Variants in LIAS observed in about 807,000 individuals in gnomAD.
LIAS encodes lipoic acid synthetase.
Under a neutral mutation model 49.4 loss-of-function variants are expected in LIAS, and 36 were observed. The ratio of observed to expected loss-of-function variants is 0.73; its 90% CI spans 0.56 to 0.96. The LOEUF (loss-of-function observed/expected upper bound fraction) is 0.96. Ranked by LOEUF, LIAS falls within the 40% of genes least tolerant of loss-of-function variation. The pLI is 0.00. For synonymous variants in LIAS, 145 were observed against 155.8 expected, an observed-to-expected ratio of 0.93 and a Z score of 0.52; for missense variants, 399 against 456.3, an observed-to-expected ratio of 0.87 and a Z score of 1.14.
intron 10 of LIAS, chr4:39,475,562 G>C (rs1426307537): frequency 6.6e-6 from 1 of 151,954 alleles, no homozygotes; most frequent in Admixed American, 6.6e-5. Flanking sequence ...TATGTTCCTA[G>C]TTCCTATAAA....
At chr4:39,475,751 C>G (rs1020673822) in intron 10 of LIAS, 2 of 152,232 alleles carry the variant, frequency 1.3e-5, no homozygotes, top group African/African-American at 4.8e-5. Context: ...GTGGTGGGCA[C>G]CTCTAGTTCT....
In LIAS at chr4:39,464,678, G is replaced by T. The variant is rs547191964; in HGVS notation, c.394-368G>T. On this transcript the variant is annotated intron_variant, in intron 4 of 10. Transcript: ENST00000640888. ...ACACTAGCTAATTTTTAGAGACAGGGTCTCACCGTGTTGCCCATGCTGGTC... is the reference window on the plus strand; with the variant it reads ...ACACTAGCTAATTTTTAGAGACAGGTTCTCACCGTGTTGCCCATGCTGGTC... Among the ~76,000 whole-genome samples the T allele has an allele frequency of 2.0e-5, 3 of 152,132 alleles. No individual in the cohort carries two copies. In the South Asian group the frequency reaches 6.2e-4, roughly 32 times the overall value.
At chr4:39,463,500 G>A in intron 3 of LIAS, 25 bp from the exon 4 acceptor site, 1 of 1,572,840 alleles carries the variant, frequency 6.4e-7, no homozygotes, top group Non-Finnish European at 8.7e-7. Flanking sequence ...CAACCTAATG[G>A]TGTTCCATTT....
At chr4:39,471,612 C>T (rs1744993695) in intron 9 of LIAS, among the ~76,000 whole-genome samples, 1 of 148,988 alleles carries the variant, frequency 6.7e-6, no homozygotes, top group Non-Finnish European at 1.5e-5. Context: ...CTGCAACCTC[C>T]ACCTCCCAGG....
At chr4:39,472,386 C>T (rs915190585) in intron 9 of LIAS, among the ~76,000 whole-genome samples, 2 of 152,054 alleles carry the variant, frequency 1.3e-5, no homozygotes, top group Non-Finnish European at 2.9e-5. Flanking sequence ...TGTGCAGTTA[C>T]CATGTTGTTC....
At chr4:39,464,718 A>G (rs933891986) in intron 4 of LIAS, among the ~76,000 whole-genome samples, 3 of 152,044 alleles carry the variant, frequency 2.0e-5, no homozygotes, top group African/African-American at 4.8e-5. Context: ...ACTCTTAACA[A>G]TCCTCTCACC....
At chr4:39,476,360 ATCACAGT>A (rs1476841015) in intron 10 of LIAS, 1 of 152,310 alleles carries the variant, frequency 6.6e-6, no homozygotes, top group Non-Finnish European at 1.5e-5. Context: ...AGATAGACTC[ATCACAGT>A]TCTACTCATA....
rs1243940085 is a variant in LIAS, at chr4:39,471,272, G to A, written c.920G>A (p.Gly307Glu). 5 of 1,611,674 alleles carry A rather than the reference G, an allele frequency of 3.1e-6. No homozygotes were observed. The highest frequency in any genetic ancestry group is 4.2e-6 in the Non-Finnish European group (5 of 1,179,130). Residue 307 changes from glycine to glutamate, a missense_variant, in exon 9 of 11, where the codon GGA becomes GAA. This residue lies in a region of LIAS where 234 missense variants were observed against 292.2 expected (regional missense o/e 0.80). Transcript: ENST00000640888. ...GCAGATGTAGACTGCTTGACTTTAG[G>A]ACAATATATGCAGCCAACAAGGCGT... is the stretch of plus-strand genomic sequence containing the variant. Reference protein sequence around the residue: ...READVDCLTLGQYMQPTRRHL... With the variant: ...READVDCLTLEQYMQPTRRHL...
rs925155221 is a variant in LIAS, at chr4:39,477,228, T to TA, written c.*124dup. 8,616 of 599,802 alleles carry TA rather than the reference T, an allele frequency of 0.014. No individual in the cohort carries two copies. Among genetic ancestry groups the TA allele is most frequent in the East Asian group, 0.019 (502 of 26,604 alleles). The allele number at this position is 599,802 out of a possible 1,614,324, so 37.2% of individuals were successfully genotyped here. A position where few individuals can be genotyped will look rare whatever the true frequency, so the allele number is the denominator to read the frequency against. Reference sequence around the variant, plus strand: ...AGTGGATGTGCCCCACCTCTTTGCTTAAAAAAAAAAATGTCAATAGCCAGG... The same window carrying TA: ...AGTGGATGTGCCCCACCTCTTTGCTTAAAAAAAAAAAATGTCAATAGCCAGG... On this transcript the variant is annotated 3_prime_UTR_variant, in exon 11 of 11. Transcript: ENST00000640888.
chr4:39,470,092 G>A lies in LIAS; in HGVS notation c.811G>A (p.Asp271Asn). Residue 271 changes from aspartate (D) to asparagine (N), a missense_variant, in exon 8 of 11, where the codon GAT becomes AAT. Asp to Asn is a conservative substitution (Grantham distance 23, BLOSUM62 1). Around this residue, in one of 3 missense-constraint regions of LIAS, gnomAD observed 234 missense variants for 292.2 expected, o/e 0.80. Coordinates refer to ENST00000640888, the MANE Select transcript of LIAS (RefSeq NM_006859.4). ...VLKHAKKVQP[D>N]VISKTSIMLG... ...GAAACATGCCAAGAAGGTTCAGCCTGATGTTATTTCTAAAACATCTATAAT... is the reference window on the plus strand; with the variant it reads ...GAAACATGCCAAGAAGGTTCAGCCTAATGTTATTTCTAAAACATCTATAAT... 1.2e-6 allele frequency: 2 copies of A among 1,613,870 alleles called. No individual in the cohort carries two copies. Among genetic ancestry groups the A allele is most frequent in the Non-Finnish European group, 8.5e-7 (1 of 1,179,840 alleles).
intron 1 of LIAS, among the ~76,000 whole-genome samples, chr4:39,459,932 C>T (rs1228506679): frequency 6.6e-6 from 1 of 151,416 alleles, no homozygotes. Flanking sequence ...TGCACTCCAA[C>T]CTGGGCGACA....
chr4:39,477,060 T>C lies in LIAS; in HGVS notation c.1067-3T>C. On this transcript the variant is annotated splice_polypyrimidine_tract_variant and splice_region_variant and intron_variant, in intron 10 of 10. Coordinates refer to ENST00000640888, the MANE Select transcript of LIAS (RefSeq NM_006859.4). ...TTAATGTGTTTTCCTTTTTCCTAAATAGGTGAATTTTTCCTGAAAAATCTA... is the reference window on the plus strand; with the variant it reads ...TTAATGTGTTTTCCTTTTTCCTAAACAGGTGAATTTTTCCTGAAAAATCTA... The C allele has an allele frequency of 6.4e-7, 1 of 1,568,554 alleles. No homozygotes were observed. The highest frequency in any genetic ancestry group is 8.7e-7 in the Non-Finnish European group (1 of 1,148,348).
Position 39,479,275 on chromosome 4 carries a change from G to C in LIAS, c.*2160G>C, listed in dbSNP as rs1745314571. 1 of 151,906 alleles carries C rather than the reference G, an allele frequency of 6.6e-6. No individual in the cohort carries two copies. The highest frequency in any genetic ancestry group is 2.1e-4 in the South Asian group (1 of 4,808). The allele number at this position is 151,906 out of a possible 1,614,324, so 9.4% of individuals were successfully genotyped here. Reference sequence around the variant, plus strand: ...TAATGCCTGTAATTCCAACGTTTTGGGAGGCCGAGGCAGGTGGATCACCTG... The same window carrying C: ...TAATGCCTGTAATTCCAACGTTTTGCGAGGCCGAGGCAGGTGGATCACCTG... On this transcript the variant is annotated 3_prime_UTR_variant, in exon 11 of 11. Coordinates refer to ENST00000640888, the MANE Select transcript of LIAS (RefSeq NM_006859.4).
intron 6 of LIAS, chr4:39,466,859 T>C (rs1744778523): frequency 1.3e-5 from 2 of 152,254 alleles, no homozygotes; most frequent in South Asian, 4.1e-4. Flanking sequence ...ATGTGTCAGC[T>C]GTTTCAGTCG....
At position 39,459,172 on chromosome 4, in the gene LIAS, G is replaced by A. The variant is rs747620289; in HGVS notation, c.45+10G>A. 15 of 1,611,694 alleles carry A rather than the reference G, an allele frequency of 9.3e-6. No homozygotes were observed. Among genetic ancestry groups the A allele is most frequent in the Non-Finnish European group, 1.2e-5 (14 of 1,179,758 alleles). On this transcript the variant is annotated intron_variant, in intron 1 of 10. Transcript: ENST00000640888. Reference sequence around the variant, plus strand: ...CACCCTGGGGCCCCGGGTGAGCGGCGGGGCGAACGGGTTTGGGCGTGGGGT... The same window carrying A: ...CACCCTGGGGCCCCGGGTGAGCGGCAGGGCGAACGGGTTTGGGCGTGGGGT...
chr4:39,478,347 TAAA>T lies in LIAS; in HGVS notation c.*1237_*1239del, dbSNP rs1275259877. Reference sequence around the variant, plus strand: ...GGTGAAACTCCATTGCTACTAAAAATAAAAAAATTAGCTAGGTGTGTTGGCAGG... The same window carrying T: ...GGTGAAACTCCATTGCTACTAAAAATAAAATTAGCTAGGTGTGTTGGCAGG... On this transcript the variant is annotated 3_prime_UTR_variant, in exon 11 of 11. Transcript: ENST00000640888. 1 of 152,070 alleles carries T rather than the reference TAAA, an allele frequency of 6.6e-6. No homozygotes were observed. Among genetic ancestry groups the T allele is most frequent in the Admixed American group, 6.5e-5 (1 of 15,292 alleles). The allele number at this position is 152,070 out of a possible 1,614,324, so 9.4% of individuals were successfully genotyped here.
In LIAS at chr4:39,460,867, T is replaced by C. The variant is rs373034096; in HGVS notation, c.123T>C (p.Asn41=). The C allele has an allele frequency of 2.5e-6, 4 of 1,613,140 alleles. No homozygotes were observed. Among genetic ancestry groups the C allele is most frequent in the Non-Finnish European group, 2.5e-6 (3 of 1,179,674 alleles). The stretch of plus-strand genomic sequence containing the variant: ...ATAAAAAAAAGGAACTCCTACAGAA[T>C]GGACCAGACCTTCAAGATTTTGTAT... ...LPDKKKELLQ[N]GPDLQDFVSG... Residue 41 remains asparagine, a synonymous_variant, in exon 2 of 11, where the codon AAT becomes AAC. Coordinates refer to ENST00000640888, the MANE Select transcript of LIAS (RefSeq NM_006859.4).
chr4:39,461,666 G>A (rs574013955), intron 2 of LIAS, among the ~76,000 whole-genome samples: 9 of 152,156 alleles, frequency 5.9e-5, no homozygotes, highest in African/African-American at 1.9e-4. Flanking sequence ...TGAGTATAGC[G>A]CCCTGTTACA....
chr4:39,465,808 G>A (rs1355650601), intron 6 of LIAS, among the ~76,000 whole-genome samples: 2 of 148,034 alleles, frequency 1.4e-5, no homozygotes, highest in African/African-American at 5.0e-5. Context: ...AGAGGCCCAC[G>A]CCACCAAGCT....
Sources: gnomAD v4.1 joint callset for allele counts (sites outside exome capture counted in the v4.1 genomes callset) on GRCh38, gnomAD v4.1.1 for gene constraint, gnomAD v4.1.1 regional missense constraint, MANE v1.5 for transcripts, NCBI Gene and HGNC (gene_info 2026-07-23, HGNC 2026-07-21) for gene names.